The following PDS5B variants were observed in gnomAD, a reference collection of about 807,000 sequenced individuals.
PDS5B encodes sister chromatid cohesion protein PDS5 homolog B.
A neutral mutation model predicts 184.1 loss-of-function variants in PDS5B; 51 were observed. That is an observed-to-expected ratio of 0.28 (90% confidence interval 0.22 to 0.35). The LOEUF is 0.35. Ranked by LOEUF, PDS5B falls within the 10% of genes least tolerant of loss-of-function variation. PDS5B has a pLI of 1.00. For missense variants in PDS5B, 1,180 were observed against 1,723.3 expected, an observed-to-expected ratio of 0.68 and a Z score of 5.58; for synonymous variants, 566 against 569.2, an observed-to-expected ratio of 0.99 and a Z score of 0.08.
At chr13:32,683,196 G>A (rs1425895103) in intron 10 of PDS5B, among the ~76,000 whole-genome samples, 2 of 151,746 alleles carry the variant, frequency 1.3e-5, no homozygotes, top group Non-Finnish European at 2.9e-5. Context: ...TGTATTTTTA[G>A]TAGAGACGAG....
At chr13:32,663,252 A>G (rs1430121703) in intron 6 of PDS5B, among the ~76,000 whole-genome samples, 3 of 152,086 alleles carry the variant, frequency 2.0e-5, no homozygotes, top group Non-Finnish European at 4.4e-5. Flanking sequence ...CTTCCAGATT[A>G]TAGAAAGGAC....
At chr13:32,757,755 C>T (rs1020239319) in intron 26 of PDS5B, among the ~76,000 whole-genome samples, 15 of 152,130 alleles carry the variant, frequency 9.9e-5, no homozygotes, top group Admixed American at 6.6e-5. Flanking sequence ...CCCACTATTC[C>T]TTTGACAGTC....
chr13:32,763,201 C>T lies in PDS5B; in HGVS notation c.3519-1288C>T, dbSNP rs142448564. On this transcript the variant is annotated intron_variant, in intron 30 of 34. Coordinates refer to ENST00000315596, the MANE Select transcript of PDS5B (RefSeq NM_015032.4). The stretch of plus-strand genomic sequence containing the variant: ...AGGTAGTCTGATTATGTTTGGACTT[C>T]GTAAACCATGGTAAGGAGTTTGGAT... Among the ~76,000 whole-genome samples, 38 of 152,106 alleles carry T rather than the reference C, an allele frequency of 2.5e-4. No individual in the cohort carries two copies. The East Asian group carries it at 6.8e-3, about 27-fold the overall frequency.
intron 19 of PDS5B, among the ~76,000 whole-genome samples, chr13:32,721,949 CG>C (rs1952727859): frequency 6.6e-6 from 1 of 152,062 alleles, no homozygotes; most frequent in African/African-American, 2.4e-5. Context: ...ACCTCCCAGA[CG>C]GGGTGGCGGC....
At chr13:32,678,968 C>G (rs775783871) in intron 10 of PDS5B, 39 bp downstream of exon 10, 1 of 1,095,592 alleles carries the variant, frequency 9.1e-7, no homozygotes, top group African/African-American at 1.6e-5. Flanking sequence ...CTTACGTGCT[C>G]TTCAGTGGAA....
At chr13:32,645,816 T>A (rs1031804465) in intron 1 of PDS5B, among the ~76,000 whole-genome samples, 2 of 152,232 alleles carry the variant, frequency 1.3e-5, no homozygotes, top group Admixed American at 1.3e-4. Flanking sequence ...ACTAGCATCT[T>A]AGAAGTATCT....
At chr13:32,638,072 T>G (rs1199794053) in intron 1 of PDS5B, among the ~76,000 whole-genome samples, 1 of 152,206 alleles carries the variant, frequency 6.6e-6, no homozygotes, top group Admixed American at 6.5e-5. Context: ...TAGGGCTGGC[T>G]TGTTCATGAT....
intron 34 of PDS5B, among the ~76,000 whole-genome samples, chr13:32,774,074 A>T (rs986945197): frequency 1.3e-5 from 2 of 152,200 alleles, no homozygotes; most frequent in African/African-American, 4.8e-5. Context: ...AAGTGGTGGG[A>T]TTACAGGCAT....
intron 1 of PDS5B, among the ~76,000 whole-genome samples, chr13:32,618,646 G>A (rs773229439): frequency 2.6e-5 from 4 of 152,082 alleles, no homozygotes; most frequent in African/African-American, 4.8e-5. Context: ...TTTTTTTGGT[G>A]TCTTGTGAAA....
chr13:32,628,030 CTTTATTTAAAGTTCAGTT>C lies in PDS5B; in HGVS notation c.-19-20721_-19-20704del, dbSNP rs551308085. Among the ~76,000 whole-genome samples, 8 of 152,186 alleles carry C rather than the reference CTTTATTTAAAGTTCAGTT, an allele frequency of 5.3e-5. No homozygotes were observed. In the South Asian group the frequency reaches 1.7e-3, roughly 32 times the overall value. On this transcript the variant is annotated intron_variant, in intron 1 of 34. Transcript: ENST00000315596. ...ATCTAGAATAGATCTGTTGCCCAATCTTTATTTAAAGTTCAGTTTTAAGGGAAAAAAATGTTAATAGAG... is the reference window on the plus strand; with the variant it reads ...ATCTAGAATAGATCTGTTGCCCAATCTTAAGGGAAAAAAATGTTAATAGAG...
At chr13:32,607,808 G>C (rs560159910) in intron 1 of PDS5B, among the ~76,000 whole-genome samples, 1 of 152,350 alleles carries the variant, frequency 6.6e-6, no homozygotes, top group East Asian at 1.9e-4. Context: ...TTCGATCTCA[G>C]ACTGCTGTGC....
intron 8 of PDS5B, 50 bp downstream of exon 8, chr13:32,673,406 G>A (rs376912664): frequency 2.2e-5 from 33 of 1,483,012 alleles, no homozygotes; most frequent in Admixed American, 5.7e-5. Context: ...TTAGCAAAGA[G>A]CATTATTTAT....
chr13:32,713,075 A>G (rs1952258111), intron 19 of PDS5B, among the ~76,000 whole-genome samples: 1 of 152,190 alleles, frequency 6.6e-6, no homozygotes, highest in Non-Finnish European at 1.5e-5. Context: ...TGATGTACCC[A>G]TAGCTCAAGT....
chr13:32,717,983 T>G (rs891819289), intron 19 of PDS5B, among the ~76,000 whole-genome samples: 3 of 136,966 alleles, frequency 2.2e-5, no homozygotes, highest in Non-Finnish European at 4.5e-5. Flanking sequence ...AAAAGAGAAT[T>G]TAAATAATAA....
At chr13:32,613,573 T>A (rs996371691) in intron 1 of PDS5B, among the ~76,000 whole-genome samples, 1 of 152,226 alleles carries the variant, frequency 6.6e-6, no homozygotes, top group African/African-American at 2.4e-5. Context: ...TTTGCCCATT[T>A]TTAAATTGGG....
chr13:32,770,322 G>A lies in PDS5B; in HGVS notation c.3826G>A (p.Glu1276Lys). Residue 1276 changes from glutamate (E) to lysine (K), a missense_variant, in exon 32 of 35, where the codon GAA (glutamate) becomes AAA (lysine). Glu to Lys is a moderately conservative substitution (Grantham distance 56). Coordinates refer to ENST00000315596, the MANE Select transcript of PDS5B (RefSeq NM_015032.4). ...EEKRLKEDIL[E>K]NEDEQNSPPK... ...AAAGAGGCTCAAAGAAGATATATTAGAAAATGAAGATGAACAGAATAGTCC... is the reference window on the plus strand; with the variant it reads ...AAAGAGGCTCAAAGAAGATATATTAAAAAATGAAGATGAACAGAATAGTCC... The A allele has an allele frequency of 1.2e-6, 2 of 1,613,704 alleles. No individual in the cohort carries two copies. The highest frequency in any genetic ancestry group is 1.1e-5 in the South Asian group (1 of 91,040).
At chr13:32,678,068 A>G (rs1951120864) in intron 9 of PDS5B, among the ~76,000 whole-genome samples, 1 of 152,146 alleles carries the variant, frequency 6.6e-6, no homozygotes. Flanking sequence ...CTACCAGTTT[A>G]CAGGATTTAG....
intron 1 of PDS5B, among the ~76,000 whole-genome samples, chr13:32,629,506 G>T (rs992012091): frequency 6.6e-6 from 1 of 152,134 alleles, no homozygotes; most frequent in Non-Finnish European, 1.5e-5. Flanking sequence ...TCACTTCTGT[G>T]TTTATCCTTG....
chr13:32,668,490 G>A (rs1002648446), intron 7 of PDS5B, among the ~76,000 whole-genome samples: 4 of 152,234 alleles, frequency 2.6e-5, no homozygotes, highest in African/African-American at 7.2e-5. Context: ...GAAGTTTATG[G>A]TAAGTTTTAT....
Sources: gnomAD v4.1 joint callset for allele counts (sites outside exome capture counted in the v4.1 genomes callset) on GRCh38, gnomAD v4.1.1 for gene constraint, MANE v1.5 for transcripts, NCBI Gene and HGNC (gene_info 2026-07-23, HGNC 2026-07-21) for gene names.